The following GLB1L3 variants were observed in gnomAD, a reference collection of about 807,000 sequenced individuals.
GLB1L3 encodes the protein beta-galactosidase-1-like protein 3.
GLB1L3 carries 89 observed loss-of-function variants against 89.5 expected under a neutral mutation model. The ratio of observed to expected loss-of-function variants is 0.99; its 90% confidence interval spans 0.84 to 1.19. The LOEUF (loss-of-function observed/expected upper bound fraction) is 1.19, where lower values mean the gene tolerates loss of function less well. GLB1L3 is among the 50% of genes most tolerant of loss of function. The pLI is 0.00. For synonymous variants in GLB1L3, 314 were observed against 312.3 expected (o/e 1.01, Z -0.06); for missense variants, 812 against 813.3 (o/e 1.00, Z 0.02).
chr11:134,308,094 A>T (rs1942283567), intron 10 of GLB1L3, among the ~76,000 whole-genome samples: 2 of 150,256 alleles, frequency 1.3e-5, no homozygotes, highest in South Asian at 4.2e-4. Flanking sequence ...TACCACCAAC[A>T]ATAATGCCAG....
chr11:134,307,880 CGT>C (rs1164606519), intron 10 of GLB1L3, among the ~76,000 whole-genome samples: 2 of 152,046 alleles, frequency 1.3e-5, no homozygotes, highest in Non-Finnish European at 2.9e-5. Context: ...GCCTGGCAGT[CGT>C]TTACTTAATA....
chr11:134,309,032 G>A (rs185418552), intron 10 of GLB1L3, among the ~76,000 whole-genome samples: 31 of 152,236 alleles, frequency 2.0e-4, no homozygotes, highest in African/African-American at 5.3e-4. Flanking sequence ...GGACTATGGC[G>A]GTGTTTCCAA....
intron 10 of GLB1L3, among the ~76,000 whole-genome samples, chr11:134,308,392 CCACCATCACCAT>C (rs1565413492): frequency 3.8e-5 from 2 of 53,158 alleles, no homozygotes; most frequent in African/African-American, 1.0e-4. Context: ...ACCACCATCA[CCACCATCACCAT>C]CACCACCACC....
Position 134,306,631 on chromosome 11 carries a change from G to A in GLB1L3, c.877-493G>A, listed in dbSNP as rs185415055. ...AGAAGAAGCTCAGCTATGATCTTCC[G>A]TTTTAATATCCATGGCACAGCAACA... On this transcript the variant is annotated intron_variant, in intron 9 of 19. Transcript: ENST00000431683. Among the ~76,000 whole-genome samples, 169 of 152,314 alleles carry A rather than the reference G, an allele frequency of 1.1e-3. 1 individual carries two copies. Among genetic ancestry groups the A allele is most frequent in the African/African-American group, 3.7e-3 (155 of 41,554 alleles).
chr11:134,279,364 C>CTTTTTTTTTTTTTTTTTTTTTTTT (rs10577769), intron 3 of GLB1L3, among the ~76,000 whole-genome samples: 15 of 108,336 alleles, frequency 1.4e-4, no homozygotes, highest in Non-Finnish European at 2.4e-4. Flanking sequence ...TTTTCTTTTT[C>CTTTTTTTTTTTTTTTTTTTTTTTT]TTTTTTTTTT....
At chr11:134,315,953 T>A (rs951634858) in intron 18 of GLB1L3, among the ~76,000 whole-genome samples, 2 of 152,196 alleles carry the variant, frequency 1.3e-5, no homozygotes, top group African/African-American at 2.4e-5. Context: ...TTTGGTTGCA[T>A]CCTCTAAGTT....
In GLB1L3 at chr11:134,314,007, T is replaced by C. The variant is rs561743859; in HGVS notation, c.1646T>C (p.Met549Thr). ...GGCTTTACCATCTATTCCCTGGAGATGAAAATGAGCTTCTTTGAGAGGTAT... is the reference window on the plus strand; with the variant it reads ...GGCTTTACCATCTATTCCCTGGAGACGAAAATGAGCTTCTTTGAGAGGTAT... ...LEGFTIYSLE[M>T]KMSFFERLRS... The change falls in exon 17 of 20, where the codon ATG becomes ACG. Residue 549 changes from methionine to threonine, a missense_variant. By Grantham distance (81) the Met-to-Thr change is moderately conservative. Transcript: ENST00000431683. 3 of 1,611,724 alleles carry C rather than the reference T, an allele frequency of 1.9e-6. No individual in the cohort carries two copies. Among genetic ancestry groups the C allele is most frequent in the South Asian group, 2.2e-5 (2 of 90,746 alleles).
Position 134,279,930 on chromosome 11 carries a change from T to C in GLB1L3, c.363-1447T>C, listed in dbSNP as rs184906394. Among the ~76,000 whole-genome samples the C allele has an allele frequency of 1.4e-3, 215 of 152,210 alleles. 1 individual carries two copies. The highest frequency in any genetic ancestry group is 4.8e-3 in the African/African-American group (201 of 41,576). ...ATATAGTACCTTCTCTTCTCTGTCC[T>C]TCTCAGTTTCCTCCTCCTCCTTCTT... On this transcript the variant is annotated intron_variant, in intron 3 of 19. Transcript: ENST00000431683.
chr11:134,296,863 A>AAT (rs1470852541), intron 9 of GLB1L3, among the ~76,000 whole-genome samples: 15 of 124,812 alleles, frequency 1.2e-4, no homozygotes, highest in African/African-American at 4.9e-4. Flanking sequence ...TAATAATAAT[A>AAT]AAAACAAACA....
intron 9 of GLB1L3, among the ~76,000 whole-genome samples, chr11:134,301,895 T>A (rs1446009226): frequency 6.6e-6 from 1 of 152,200 alleles, no homozygotes; most frequent in Non-Finnish European, 1.5e-5. Flanking sequence ...GTTTTTCTAT[T>A]TTTTTCCTTT....
Position 134,311,240 on chromosome 11 carries a change from CTT to C in GLB1L3, c.1287+74_1287+75del, listed in dbSNP as rs1942719273. ...ATGGGGGAGGGATTCCTTCAGGAAA[CTT>C]TTTATTAGGAAGTGGGAAAACAAAT... On this transcript the variant is annotated intron_variant, in intron 13 of 19. Transcript: ENST00000431683. The C allele has an allele frequency of 7.1e-6, 8 of 1,133,276 alleles. No homozygotes were observed. In the East Asian group the frequency reaches 9.4e-5, roughly 13 times the overall value. 70.2% of individuals were successfully genotyped at this position (1,133,276 alleles called of 1,614,324 possible). A position where few individuals can be genotyped will look rare whatever the true frequency, so the allele number is the denominator to read the frequency against.
At chr11:134,289,915 G>A (rs1365136782) in intron 7 of GLB1L3, among the ~76,000 whole-genome samples, 2 of 152,232 alleles carry the variant, frequency 1.3e-5, no homozygotes, top group African/African-American at 4.8e-5. Flanking sequence ...CAGGGCTGCA[G>A]GGTTGGCCTG....
At chr11:134,308,195 A>AC in intron 10 of GLB1L3, among the ~76,000 whole-genome samples, 4 of 105,714 alleles carry the variant, frequency 3.8e-5, no homozygotes, top group African/African-American at 1.8e-4. Flanking sequence ...CATCATCACC[A>AC]TCACCACTAC....
At chr11:134,290,246 G>A (rs746987798) in intron 7 of GLB1L3, among the ~76,000 whole-genome samples, 1 of 149,732 alleles carries the variant, frequency 6.7e-6, no homozygotes, top group African/African-American at 2.4e-5. Context: ...TATTTAATCG[G>A]TTGTGTTCAG....
At chr11:134,295,856 A>G (rs1014293604) in intron 9 of GLB1L3, among the ~76,000 whole-genome samples, 2 of 152,000 alleles carry the variant, frequency 1.3e-5, no homozygotes, top group South Asian at 4.1e-4. Flanking sequence ...TTCCCTTGAG[A>G]CTTTCTTTAT....
intron 9 of GLB1L3, among the ~76,000 whole-genome samples, chr11:134,301,122 GAGGATCTAGCCCC>G (rs1478374549): frequency 6.6e-6 from 1 of 152,198 alleles, no homozygotes; most frequent in Non-Finnish European, 1.5e-5. Flanking sequence ...TGTTATATTA[GAGGATCTAGCCCC>G]AGGTAAGCAA....
chr11:134,308,654 AT>A (rs1417500155), intron 10 of GLB1L3, among the ~76,000 whole-genome samples: 3 of 150,098 alleles, frequency 2.0e-5, no homozygotes, highest in South Asian at 2.1e-4. Context: ...CACCACCATC[AT>A]CACCACCACC....
At chr11:134,306,685 CT>C (rs1942220894) in intron 9 of GLB1L3, among the ~76,000 whole-genome samples, 1 of 152,212 alleles carries the variant, frequency 6.6e-6, no homozygotes, top group South Asian at 2.1e-4. Context: ...GAGGTGTCAC[CT>C]TTTAAAAACA....
At position 134,312,865 on chromosome 11, in the gene GLB1L3, A is replaced by G. The variant is rs760383372; in HGVS notation, c.1478A>G (p.Asp493Gly). 16 of 1,610,440 alleles carry G rather than the reference A, an allele frequency of 9.9e-6. No individual in the cohort carries two copies. In the Admixed American group the frequency reaches 2.2e-4, roughly 22 times the overall value. Reference protein sequence around the residue: ...MIGILNENNKDLHIPELRDCR... With the variant: ...MIGILNENNKGLHIPELRDCR... The stretch of plus-strand genomic sequence containing the variant: ...GGGATTCTGAATGAGAATAATAAGG[A>G]CCTGCACATTCCTGAACTCAGGGTA... The change falls in exon 15 of 20, where the codon GAC (aspartate) becomes GGC (glycine). Residue 493 changes from aspartate to glycine, a missense_variant. Asp to Gly is a moderately conservative substitution (Grantham distance 94, BLOSUM62 -1). Transcript: ENST00000431683.
Sources: allele counts gnomAD v4.1 joint callset (sites outside exome capture counted in the v4.1 genomes callset), GRCh38; gene constraint gnomAD v4.1.1; transcripts MANE v1.5; gene names NCBI Gene and HGNC (gene_info 2026-07-23, HGNC 2026-07-21).